KDM4C: variants seen among roughly 807,000 people sequenced by gnomAD.
KDM4C encodes lysine-specific demethylase 4C.
A neutral mutation model predicts 129.3 loss-of-function variants in KDM4C; 81 were observed. That is an observed-to-expected ratio of 0.63 (90% CI 0.52 to 0.75). The LOEUF is 0.75. Among genes scored for constraint, KDM4C ranks in the 30% least tolerant of loss-of-function variants. The probability of loss-of-function intolerance (pLI) is 0.00; values close to 1 mark genes in which losing one functional copy is unlikely to be tolerated. For synonymous variants in KDM4C, 573 were observed against 456.1 expected, an observed-to-expected ratio of 1.26 and a Z score of -3.26; for missense variants, 1,457 against 1,304.0, an observed-to-expected ratio of 1.12 and a Z score of -1.81.
intron 5 of KDM4C, among the ~76,000 whole-genome samples, chr9:6,863,228 C>T (rs777031716): frequency 6.6e-6 from 1 of 151,792 alleles, no homozygotes; most frequent in African/African-American, 2.4e-5. Context: ...ATATTGCCTG[C>T]TTTTTAGTAG....
At chr9:7,057,587 CAAAG>C (rs2132648622) in intron 17 of KDM4C, among the ~76,000 whole-genome samples, 1 of 152,328 alleles carries the variant, frequency 6.6e-6, no homozygotes, top group Non-Finnish European at 1.5e-5. Context: ...AGTTTGCACT[CAAAG>C]AACGTTAGCA....
chr9:6,876,210 G>C (rs1563742473), intron 5 of KDM4C, among the ~76,000 whole-genome samples: 1 of 152,112 alleles, frequency 6.6e-6, no homozygotes. Flanking sequence ...AGCAAGTCAG[G>C]CTCACCTCAT....
intron 8 of KDM4C, among the ~76,000 whole-genome samples, chr9:6,927,629 A>G (rs1317005518): frequency 6.6e-6 from 1 of 152,166 alleles, no homozygotes; most frequent in Non-Finnish European, 1.5e-5. Flanking sequence ...GCTTCCAGGG[A>G]CCACACGAAA....
intron 8 of KDM4C, among the ~76,000 whole-genome samples, chr9:6,967,360 G>A (rs903266730): frequency 2.0e-5 from 3 of 151,420 alleles, no homozygotes; most frequent in African/African-American, 7.3e-5. Flanking sequence ...GGAGGCGGAG[G>A]TTGCAGTGAG....
In KDM4C at chr9:7,169,770, T is replaced by G. The variant is rs376959927; in HGVS notation, c.2902-28T>G. ...AATGGTCAGTGCTGTTTTTTTAATA[T>G]GTATCATGTTATATTATCTTTCATT... On this transcript the variant is annotated intron_variant, in intron 20 of 21. Transcript: ENST00000381309. 1.4e-4 allele frequency: 221 copies of G among 1,559,062 alleles called. 2 individuals carry two copies. The highest frequency in any genetic ancestry group is 4.9e-4 in the South Asian group (42 of 85,240).
At chr9:7,002,331 C>T (rs988149160) in intron 12 of KDM4C, among the ~76,000 whole-genome samples, 4 of 152,086 alleles carry the variant, frequency 2.6e-5, no homozygotes, top group African/African-American at 7.2e-5. Flanking sequence ...TGTAAATTGA[C>T]AATTTATAAT....
Position 6,932,211 on chromosome 9 carries a change from G to A in KDM4C, c.921+38979G>A, listed in dbSNP as rs116251648. 1.9e-3 allele frequency among the ~76,000 whole-genome samples: 283 copies of A among 152,328 alleles called. 3 individuals carry two copies. Among genetic ancestry groups the A allele is most frequent in the African/African-American group, 6.4e-3 (267 of 41,572 alleles). On this transcript the variant is annotated intron_variant, in intron 8 of 21. Coordinates refer to ENST00000381309, the MANE Select transcript of KDM4C (RefSeq NM_015061.6). ...CCAACAGGTGTGTAGCTCCACATGAGCTGTGGTCATGTTCCCCTTCAGAAC... is the reference window on the plus strand; with the variant it reads ...CCAACAGGTGTGTAGCTCCACATGAACTGTGGTCATGTTCCCCTTCAGAAC...
intron 19 of KDM4C, among the ~76,000 whole-genome samples, chr9:7,164,851 T>G (rs778774298): frequency 7.2e-4 from 110 of 152,328 alleles, no homozygotes; most frequent in South Asian, 4.1e-4. Context: ...TCACATGAGA[T>G]GTATGCTGAA....
intron 19 of KDM4C, among the ~76,000 whole-genome samples, chr9:7,132,940 A>G (rs1270192609): frequency 6.6e-6 from 1 of 152,220 alleles, no homozygotes; most frequent in East Asian, 1.9e-4. Context: ...AGGACTGGCT[A>G]CATTTTTCAG....
intron 2 of KDM4C, among the ~76,000 whole-genome samples, chr9:6,794,500 G>C (rs1262631446): frequency 1.3e-5 from 2 of 152,138 alleles, no homozygotes; most frequent in Admixed American, 1.3e-4. Context: ...GTGGCTGTTT[G>C]TTTCTTTCTT....
At chr9:6,785,315 C>A (rs1825241900) in intron 1 of KDM4C, among the ~76,000 whole-genome samples, 1 of 151,460 alleles carries the variant, frequency 6.6e-6, no homozygotes, top group African/African-American at 2.4e-5. Flanking sequence ...GCACTCTTTC[C>A]TGTGTCTGTC....
intron 18 of KDM4C, among the ~76,000 whole-genome samples, chr9:7,118,479 G>T (rs773579102): frequency 5.3e-5 from 8 of 152,160 alleles, no homozygotes; most frequent in Non-Finnish European, 8.8e-5. Flanking sequence ...GGTTCCTGCT[G>T]CATACCTTTG....
intron 15 of KDM4C, among the ~76,000 whole-genome samples, chr9:7,035,866 C>T (rs1827560015): frequency 6.6e-6 from 1 of 152,178 alleles, no homozygotes; most frequent in African/African-American, 2.4e-5. Flanking sequence ...ATGCCAGTTC[C>T]ATGCTGTTGT....
At position 6,814,512 on chromosome 9, in the gene KDM4C, C is replaced by A; in HGVS notation, c.321-119C>A. ...TATGTTTACTTGTTAGAATTGACAA[C>A]ATGCAGTATTTTCGTTTTGGTAGGA... On this transcript the variant is annotated intron_variant, in intron 3 of 21. Coordinates refer to ENST00000381309, the MANE Select transcript of KDM4C (RefSeq NM_015061.6). The A allele has an allele frequency of 1.3e-5, 7 of 558,110 alleles. No homozygotes were observed. The South Asian group carries it at 2.0e-4, about 16-fold the overall frequency. 34.6% of individuals were successfully genotyped at this position (558,110 alleles called of 1,614,324 possible). A position where few individuals can be genotyped will look rare whatever the true frequency, so the allele number is the denominator to read the frequency against.
chr9:6,806,692 A>T (rs943249847), intron 3 of KDM4C, among the ~76,000 whole-genome samples: 5 of 152,054 alleles, frequency 3.3e-5, no homozygotes, highest in African/African-American at 1.2e-4. Flanking sequence ...TTCTCTTACA[A>T]GAGTGCTCCC....
At chr9:6,996,203 C>T (rs117460051) in intron 12 of KDM4C, among the ~76,000 whole-genome samples, 2,030 of 152,314 alleles carry the variant, frequency 0.013, 22 homozygotes, top group East Asian at 0.027. Context: ...CCATGGCAAG[C>T]TTCTTCTCAC....
At chr9:7,065,658 A>G (rs1017281316) in intron 17 of KDM4C, among the ~76,000 whole-genome samples, 3 of 152,188 alleles carry the variant, frequency 2.0e-5, no homozygotes, top group Non-Finnish European at 4.4e-5. Flanking sequence ...CCGTGTCAAA[A>G]TTTGCAGTGT....
At chr9:6,728,318 A>G (rs62566465) in intron 1 of KDM4C, among the ~76,000 whole-genome samples, 13,109 of 150,022 alleles carry the variant, frequency 0.087, 741 homozygotes, top group Non-Finnish European at 0.13. Flanking sequence ...GGTGGATCAC[A>G]AGGTCAGGAG....
chr9:7,052,769 C>A (rs772478477), intron 17 of KDM4C, among the ~76,000 whole-genome samples: 12 of 152,000 alleles, frequency 7.9e-5, no homozygotes, highest in Non-Finnish European at 1.6e-4. Context: ...CTCTTCAGTA[C>A]CCACGAGGTG....
Sources: allele counts gnomAD v4.1 joint callset (sites outside exome capture counted in the v4.1 genomes callset), GRCh38; gene constraint gnomAD v4.1.1; transcripts MANE v1.5; gene names NCBI Gene and HGNC (gene_info 2026-07-23, HGNC 2026-07-21).